The following SNTG1 variants were observed in gnomAD, a reference collection of about 807,000 sequenced individuals.
The protein encoded by SNTG1 is gamma-1-syntrophin.
SNTG1 carries 39 observed loss-of-function variants against 74.7 expected under a neutral mutation model. The observed-to-expected ratio is 0.52, with a 90% CI of 0.40 to 0.68. The LOEUF (loss-of-function observed/expected upper bound fraction) is 0.68. Ranked by LOEUF, SNTG1 falls within the 30% of genes least tolerant of loss-of-function variation. The pLI is 0.00. For missense variants in SNTG1, 685 were observed against 609.5 expected (o/e 1.12, Z -1.30); for synonymous variants, 254 against 217.1 (o/e 1.17, Z -1.49).
At chr8:50,628,655 T>C (rs1164438645) in intron 13 of SNTG1, among the ~76,000 whole-genome samples, 1 of 152,220 alleles carries the variant, frequency 6.6e-6, no homozygotes, top group Non-Finnish European at 1.5e-5. Flanking sequence ...AACTTTTGTT[T>C]CTGCTTCTCT....
At chr8:49,942,294 T>C (rs1396814453) in intron 1 of SNTG1, among the ~76,000 whole-genome samples, 1 of 152,222 alleles carries the variant, frequency 6.6e-6, no homozygotes, top group Non-Finnish European at 1.5e-5. Context: ...CAAAGCTCTT[T>C]ATAGACAACA....
At chr8:50,290,267 C>T (rs907745466) in intron 2 of SNTG1, among the ~76,000 whole-genome samples, 4 of 152,136 alleles carry the variant, frequency 2.6e-5, no homozygotes, top group East Asian at 1.9e-4. Context: ...TGATGTGCTT[C>T]GTGAGTCATT....
At chr8:50,004,361 A>T (rs2130486197) in intron 1 of SNTG1, among the ~76,000 whole-genome samples, 1 of 152,274 alleles carries the variant, frequency 6.6e-6, no homozygotes, top group East Asian at 1.9e-4. Context: ...TTAAGCTTTT[A>T]TAACAAAAGC....
At chr8:50,208,752 G>A (rs932136445) in intron 2 of SNTG1, among the ~76,000 whole-genome samples, 2 of 152,140 alleles carry the variant, frequency 1.3e-5, no homozygotes, top group African/African-American at 2.4e-5. Context: ...TGTAAGGCAG[G>A]CCTGGTGGTG....
At chr8:50,549,677 T>C (rs980369450) in intron 11 of SNTG1, among the ~76,000 whole-genome samples, 1 of 151,898 alleles carries the variant, frequency 6.6e-6, no homozygotes, top group African/African-American at 2.4e-5. Flanking sequence ...ATGGATTGCC[T>C]CTTCTTCAGA....
chr8:50,490,625 T>C (rs1166263563), intron 8 of SNTG1, among the ~76,000 whole-genome samples: 2 of 152,234 alleles, frequency 1.3e-5, no homozygotes, highest in Non-Finnish European at 2.9e-5. Flanking sequence ...CAACAAAAAT[T>C]GTCCTGAAGG....
At chr8:50,448,861 C>T (rs1028448939) in intron 5 of SNTG1, among the ~76,000 whole-genome samples, 9 of 150,092 alleles carry the variant, frequency 6.0e-5, no homozygotes, top group Non-Finnish European at 1.2e-4. Context: ...GGTGAAACCC[C>T]GTCTCTACTA....
chr8:50,317,124 G>A (rs1042766863), intron 2 of SNTG1, among the ~76,000 whole-genome samples: 4 of 152,074 alleles, frequency 2.6e-5, no homozygotes, highest in Non-Finnish European at 4.4e-5. Context: ...TCCTTAGGGG[G>A]ATTATTTCCT....
intron 8 of SNTG1, among the ~76,000 whole-genome samples, chr8:50,458,633 AT>A (rs556991623): frequency 9.3e-4 from 141 of 152,300 alleles, no homozygotes; most frequent in South Asian, 1.7e-3. Context: ...TTAAAAAAAA[AT>A]AAAAGCATTT....
intron 4 of SNTG1, among the ~76,000 whole-genome samples, chr8:50,409,839 C>A (rs1183496286): frequency 6.6e-6 from 1 of 152,112 alleles, no homozygotes; most frequent in Non-Finnish European, 1.5e-5. Flanking sequence ...ATAGAGACAC[C>A]AGTTTCAAAG....
chr8:50,532,069 G>A (rs1412316061), intron 10 of SNTG1, among the ~76,000 whole-genome samples: 1 of 152,030 alleles, frequency 6.6e-6, no homozygotes, highest in Non-Finnish European at 1.5e-5. Context: ...TAAAAATAAA[G>A]CAACTGTTAT....
chr8:50,387,588 A>T (rs1170456029), intron 2 of SNTG1, among the ~76,000 whole-genome samples: 1 of 152,188 alleles, frequency 6.6e-6, no homozygotes, highest in African/African-American at 2.4e-5. Flanking sequence ...ATTTATGCTT[A>T]GTGGGGCAAT....
chr8:49,971,302 G>T (rs1429433749), intron 1 of SNTG1, among the ~76,000 whole-genome samples: 1 of 152,126 alleles, frequency 6.6e-6, no homozygotes, highest in Non-Finnish European at 1.5e-5. Context: ...AAAGGCCTTT[G>T]AAAAATTTCA....
At chr8:50,614,652 A>T (rs1391406365) in intron 13 of SNTG1, among the ~76,000 whole-genome samples, 1 of 152,158 alleles carries the variant, frequency 6.6e-6, no homozygotes, top group Non-Finnish European at 1.5e-5. Flanking sequence ...GTAAATTTTA[A>T]TTATAGTTTG....
chr8:50,347,831 G>A (rs796218478), intron 2 of SNTG1, among the ~76,000 whole-genome samples: 6 of 152,274 alleles, frequency 3.9e-5, no homozygotes, highest in South Asian at 2.1e-4. Flanking sequence ...TAAGACATAC[G>A]TACTTAAATA....
intron 15 of SNTG1, among the ~76,000 whole-genome samples, chr8:50,674,531 C>CT (rs538707953): frequency 6.7e-4 from 102 of 151,550 alleles, no homozygotes; most frequent in Admixed American, 1.7e-3. Flanking sequence ...CCCCTTTAAC[C>CT]TTTTTTTGTT....
intron 2 of SNTG1, among the ~76,000 whole-genome samples, chr8:50,278,244 A>C (rs1203919655): frequency 6.6e-6 from 1 of 152,148 alleles, no homozygotes; most frequent in Non-Finnish European, 1.5e-5. Context: ...TTTCTCTATA[A>C]TTTTAAGGAA....
chr8:49,989,826 A>T (rs1387172008), intron 1 of SNTG1, among the ~76,000 whole-genome samples: 3 of 152,056 alleles, frequency 2.0e-5, no homozygotes, highest in African/African-American at 4.8e-5. Context: ...ATATTGATAC[A>T]GTAATAAAGA....
intron 2 of SNTG1, among the ~76,000 whole-genome samples, chr8:50,183,979 G>A (rs1381547338): frequency 6.6e-6 from 1 of 152,048 alleles, no homozygotes; most frequent in Non-Finnish European, 1.5e-5. Flanking sequence ...TTACTATGAA[G>A]GAAATGTATA....
Sources: gnomAD v4.1 joint callset for allele counts (sites outside exome capture counted in the v4.1 genomes callset) on GRCh38, gnomAD v4.1.1 for gene constraint, MANE v1.5 for transcripts, NCBI Gene and HGNC (gene_info 2026-07-23, HGNC 2026-07-21) for gene names.